GALNT14: variants seen among roughly 807,000 people sequenced by gnomAD.
GALNT14 encodes polypeptide N-acetylgalactosaminyltransferase 14, also known as UDP-GalNAc:polypeptide N-acetylgalactosaminyltransferase 14.
GALNT14 carries 60 observed loss-of-function variants against 77.5 expected under a neutral mutation model. That is an observed-to-expected ratio of 0.77 (90% CI 0.63 to 0.96). The LOEUF (loss-of-function observed/expected upper bound fraction) is 0.96. GALNT14 is among the 40% of genes least tolerant of loss of function. The pLI, the probability that GALNT14 is intolerant of heterozygous loss-of-function variation, is 0.00. For missense variants in GALNT14, 710 were observed against 731.0 expected, an observed-to-expected ratio of 0.97 and a Z score of 0.33; for synonymous variants, 280 against 281.7, an observed-to-expected ratio of 0.99 and a Z score of 0.06.
chr2:31,028,530 G>A (rs1010516329), intron 1 of GALNT14, among the ~76,000 whole-genome samples: 1 of 152,224 alleles, frequency 6.6e-6, no homozygotes, highest in Admixed American at 6.5e-5. Flanking sequence ...AGCTAGAGCC[G>A]CCACCACCTG....
At chr2:30,927,098 A>C (rs1428922488) in intron 11 of GALNT14, among the ~76,000 whole-genome samples, 1 of 152,114 alleles carries the variant, frequency 6.6e-6, no homozygotes, top group Non-Finnish European at 1.5e-5. Flanking sequence ...GAGAGAATGG[A>C]GGCACCCGGA....
intron 3 of GALNT14, among the ~76,000 whole-genome samples, chr2:30,960,533 T>A (rs1032828300): frequency 6.6e-6 from 1 of 152,080 alleles, no homozygotes; most frequent in Non-Finnish European, 1.5e-5. Flanking sequence ...AATTAGACCA[T>A]TTCGTGGTAA....
chr2:30,998,912 C>G (rs887001171), intron 1 of GALNT14, among the ~76,000 whole-genome samples: 1 of 152,206 alleles, frequency 6.6e-6, no homozygotes, highest in African/African-American at 2.4e-5. Context: ...TTCTTTGCTT[C>G]GGGCTATTCC....
chr2:31,093,334 C>T (rs1228165674), intron 1 of GALNT14, among the ~76,000 whole-genome samples: 2 of 152,212 alleles, frequency 1.3e-5, no homozygotes, highest in Non-Finnish European at 2.9e-5. Context: ...TGGGTTACTA[C>T]AGATTAGTCT....
intron 1 of GALNT14, among the ~76,000 whole-genome samples, chr2:31,030,749 G>GAGAAATGTT (rs2148479188): frequency 6.6e-6 from 1 of 152,308 alleles, no homozygotes; most frequent in East Asian, 1.9e-4. Flanking sequence ...GAGGAAGTCT[G>GAGAAATGTT]AGAAATGTTT....
intron 1 of GALNT14, among the ~76,000 whole-genome samples, chr2:31,043,580 G>C (rs1197093189): frequency 6.6e-6 from 1 of 152,118 alleles, no homozygotes; most frequent in Admixed American, 6.5e-5. Context: ...CAGGGGCCAT[G>C]GTCTGGCTGT....
chr2:30,913,003 G>A (rs1367340455), intron 13 of GALNT14, among the ~76,000 whole-genome samples: 1 of 152,140 alleles, frequency 6.6e-6, no homozygotes, highest in African/African-American at 2.4e-5. Context: ...TTCAGGGAGC[G>A]AAGCTGAGAA....
intron 1 of GALNT14, among the ~76,000 whole-genome samples, chr2:31,073,991 T>C (rs1474010031): frequency 1.3e-5 from 2 of 152,178 alleles, no homozygotes; most frequent in African/African-American, 4.8e-5. Context: ...ATTTGGGCCC[T>C]GAGTTCTCTG....
chr2:31,124,792 C>A (rs1001289645), intron 1 of GALNT14, among the ~76,000 whole-genome samples: 1 of 152,170 alleles, frequency 6.6e-6, no homozygotes, highest in African/African-American at 2.4e-5. Flanking sequence ...AGCCTGCCCA[C>A]CTTGTGGGGT....
At chr2:31,014,623 C>T (rs577980256) in intron 1 of GALNT14, among the ~76,000 whole-genome samples, 21 of 152,162 alleles carry the variant, frequency 1.4e-4, no homozygotes, top group Non-Finnish European at 2.5e-4. Flanking sequence ...TGCTGGGACA[C>T]ACGATACATG....
intron 1 of GALNT14, among the ~76,000 whole-genome samples, chr2:31,130,242 G>T (rs549374266): frequency 6.6e-6 from 1 of 152,364 alleles, no homozygotes; most frequent in South Asian, 2.1e-4. Flanking sequence ...AGCGATAAGG[G>T]CTCCTGCTGA....
chr2:31,133,787 T>C (rs1056796354), intron 1 of GALNT14, among the ~76,000 whole-genome samples: 2 of 152,212 alleles, frequency 1.3e-5, no homozygotes, highest in Non-Finnish European at 2.9e-5. Flanking sequence ...AAATACAGTC[T>C]GAATTAAAAC....
intron 1 of GALNT14, among the ~76,000 whole-genome samples, chr2:31,043,280 C>G (rs1008962561): frequency 6.6e-6 from 1 of 152,192 alleles, no homozygotes; most frequent in Non-Finnish European, 1.5e-5. Context: ...TCCCCCAGTC[C>G]ATGCTCTTTT....
At chr2:30,887,383 T>C in the GALNT14 span, among the ~76,000 whole-genome samples, 1 of 152,098 alleles carries the variant, frequency 6.6e-6, no homozygotes, top group Non-Finnish European at 1.5e-5. Context: ...CTAATAATTA[T>C]TTTCTTTTTT....
At chr2:31,102,358 T>C (rs1441751735) in intron 1 of GALNT14, among the ~76,000 whole-genome samples, 1 of 152,154 alleles carries the variant, frequency 6.6e-6, no homozygotes, top group African/African-American at 2.4e-5. Context: ...ATTTCATTAA[T>C]TGTTTTCCAG....
At chr2:31,082,748 G>A (rs536220912) in intron 1 of GALNT14, among the ~76,000 whole-genome samples, 26 of 152,270 alleles carry the variant, frequency 1.7e-4, no homozygotes, top group Non-Finnish European at 1.3e-4. Context: ...GGCTGGGCAC[G>A]GTGGCTCACA....
chr2:30,959,328 C>T (rs911410632), intron 3 of GALNT14, among the ~76,000 whole-genome samples: 3 of 152,186 alleles, frequency 2.0e-5, no homozygotes, highest in African/African-American at 7.2e-5. Flanking sequence ...AGGGAAATAT[C>T]CCAGGGCAAG....
Position 30,912,985 on chromosome 2 carries a change from T to C in GALNT14, c.1381-643A>G, listed in dbSNP as rs553483769. On this transcript the variant is annotated intron_variant, in intron 13 of 14. Transcript: ENST00000349752. ...CCAGGATAATAGATCTTTTGGCCCC[T>C]GAGCTCTTTCAGGGAGCGAAGCTGA... Among the ~76,000 whole-genome samples the C allele has an allele frequency of 1.6e-4, 24 of 152,314 alleles. No homozygotes were observed. In the South Asian group the frequency reaches 5.0e-3, roughly 32 times the overall value.
At chr2:30,910,305 A>G (rs557911124), downstream of GALNT14, among the ~76,000 whole-genome samples, 12 of 152,140 alleles carry the variant, frequency 7.9e-5, no homozygotes, top group Admixed American at 6.5e-4. Context: ...TCATTTTAAG[A>G]TCCCACAGCT....
Sources: gnomAD v4.1 joint callset for allele counts (sites outside exome capture counted in the v4.1 genomes callset) on GRCh38, gnomAD v4.1.1 for gene constraint, MANE v1.5 for transcripts, NCBI Gene and HGNC (gene_info 2026-07-23, HGNC 2026-07-21) for gene names.